The following CDH13 variants were observed in gnomAD, a reference collection of about 807,000 sequenced individuals.
CDH13 encodes the protein cadherin-13.
CDH13 carries 24 observed loss-of-function variants against 63.8 expected under a neutral mutation model. The ratio of observed to expected loss-of-function variants is 0.38; its 90% CI spans 0.27 to 0.53. CDH13 has a LOEUF of 0.53. Ranked by LOEUF, CDH13 falls within the 20% of genes least tolerant of loss-of-function variation. CDH13 has a pLI of 0.85. For missense variants in CDH13, 1,049 were observed against 903.1 expected, an observed-to-expected ratio of 1.16 and a Z score of -2.07; for synonymous variants, 503 against 355.3, an observed-to-expected ratio of 1.42 and a Z score of -4.67.
intron 1 of CDH13, among the ~76,000 whole-genome samples, chr16:82,772,257 T>C (rs965580485): frequency 2.6e-5 from 4 of 152,212 alleles, no homozygotes; most frequent in African/African-American, 9.6e-5. Context: ...AAGTGTTCAG[T>C]AAATATTTAC....
intron 6 of CDH13, among the ~76,000 whole-genome samples, chr16:83,367,978 A>G (rs1387349617): frequency 1.3e-5 from 2 of 152,198 alleles, no homozygotes; most frequent in African/African-American, 2.4e-5. Context: ...ATAGTTTTCA[A>G]TAGACAAGTC....
At chr16:83,056,544 A>G (rs963647740) in intron 3 of CDH13, among the ~76,000 whole-genome samples, 1 of 152,212 alleles carries the variant, frequency 6.6e-6, no homozygotes, top group Non-Finnish European at 1.5e-5. Context: ...GAAGCCAGAT[A>G]GGGAAGGGAA....
intron 4 of CDH13, among the ~76,000 whole-genome samples, chr16:83,175,672 CAA>C (rs2038091544): frequency 2.0e-5 from 3 of 152,056 alleles, no homozygotes; most frequent in Non-Finnish European, 4.4e-5. Flanking sequence ...TTAAAACAAA[CAA>C]ACAAACACCG....
chr16:82,892,556 A>T (rs1402079401), intron 2 of CDH13, among the ~76,000 whole-genome samples: 6 of 152,250 alleles, frequency 3.9e-5, no homozygotes, highest in Non-Finnish European at 7.3e-5. Flanking sequence ...GTGTACTTGG[A>T]AGGGCAAAAC....
At chr16:82,711,607 G>C (rs909525916) in intron 1 of CDH13, among the ~76,000 whole-genome samples, 20 of 152,196 alleles carry the variant, frequency 1.3e-4, no homozygotes, top group Non-Finnish European at 2.1e-4. Flanking sequence ...AAGACACTGA[G>C]ATCCAGAGAC....
chr16:82,972,732 TATG>T (rs981511903), intron 2 of CDH13, among the ~76,000 whole-genome samples: 1 of 152,204 alleles, frequency 6.6e-6, no homozygotes, highest in African/African-American at 2.4e-5. Flanking sequence ...GCCATTTGGG[TATG>T]ATAACTGAAC....
intron 10 of CDH13, among the ~76,000 whole-genome samples, chr16:83,698,179 C>T (rs927344908): frequency 6.6e-6 from 1 of 152,238 alleles, no homozygotes; most frequent in Admixed American, 6.5e-5. Flanking sequence ...CCAGGCTGTA[C>T]TGTACAGGAC....
chr16:83,618,352 G>A (rs1034037368), intron 8 of CDH13, among the ~76,000 whole-genome samples: 2 of 151,884 alleles, frequency 1.3e-5, no homozygotes, highest in African/African-American at 2.4e-5. Context: ...TTGAACCCAG[G>A]GGTTGGAGGT....
intron 2 of CDH13, among the ~76,000 whole-genome samples, chr16:82,990,653 TCTCCCAC>T (rs2151404136): frequency 6.6e-6 from 1 of 151,962 alleles, no homozygotes; most frequent in African/African-American, 2.4e-5. Flanking sequence ...CTCAAGTGAT[TCTCCCAC>T]CTCAGCCTCC....
intron 3 of CDH13, among the ~76,000 whole-genome samples, chr16:83,102,866 A>G (rs916342562): frequency 2.6e-4 from 40 of 151,188 alleles, no homozygotes; most frequent in Non-Finnish European, 5.4e-4. Context: ...ATGTAGGCTG[A>G]ACTGGAAGAG....
intron 6 of CDH13, among the ~76,000 whole-genome samples, chr16:83,474,331 T>C (rs1483745777): frequency 2.0e-5 from 3 of 152,196 alleles, no homozygotes; most frequent in Non-Finnish European, 2.9e-5. Context: ...AGGTTGTGTA[T>C]GTTGCTCAGA....
intron 2 of CDH13, among the ~76,000 whole-genome samples, chr16:82,931,238 A>T (rs2151295272): frequency 6.6e-6 from 1 of 152,330 alleles, no homozygotes; most frequent in Middle Eastern, 3.4e-3. Flanking sequence ...CCTGCACAGA[A>T]TTTTCTCATC....
intron 2 of CDH13, among the ~76,000 whole-genome samples, chr16:82,949,501 C>G (rs1905079451): frequency 6.6e-6 from 1 of 152,154 alleles, no homozygotes; most frequent in African/African-American, 2.4e-5. Context: ...TAGGGGGACA[C>G]AATTCAACCC....
intron 1 of CDH13, among the ~76,000 whole-genome samples, chr16:82,780,189 GA>G (rs923281845): frequency 2.6e-5 from 4 of 151,938 alleles, no homozygotes; most frequent in Admixed American, 1.3e-4. Flanking sequence ...ATATATTTAA[GA>G]AAAAAACCCC....
chr16:82,718,944 A>G (rs1291108142), intron 1 of CDH13, among the ~76,000 whole-genome samples: 3 of 152,124 alleles, frequency 2.0e-5, no homozygotes, highest in Non-Finnish European at 4.4e-5. Context: ...CCTGAGAGCC[A>G]TTTGGTGCGT....
At chr16:83,333,482 C>T (rs1274662569) in intron 5 of CDH13, among the ~76,000 whole-genome samples, 2 of 152,044 alleles carry the variant, frequency 1.3e-5, no homozygotes, top group Non-Finnish European at 2.9e-5. Flanking sequence ...CAGGGTGCTG[C>T]TCTTTGGACT....
At chr16:83,338,222 T>C (rs1271723470) in intron 5 of CDH13, among the ~76,000 whole-genome samples, 1 of 150,784 alleles carries the variant, frequency 6.6e-6, no homozygotes, top group Non-Finnish European at 1.5e-5. Flanking sequence ...CAGTTTAATG[T>C]ACTCTGATAT....
chr16:83,550,707 T>A (rs1310223370), intron 7 of CDH13, among the ~76,000 whole-genome samples: 2 of 152,200 alleles, frequency 1.3e-5, no homozygotes, highest in Non-Finnish European at 2.9e-5. Flanking sequence ...TCACATCTAC[T>A]TTGTTCACTG....
intron 7 of CDH13, among the ~76,000 whole-genome samples, chr16:83,540,612 G>A (rs757216486): frequency 6.6e-6 from 1 of 152,150 alleles, no homozygotes; most frequent in Non-Finnish European, 1.5e-5. Flanking sequence ...CCTTTGTTCA[G>A]TCTCGTAATG....
Sources: allele counts gnomAD v4.1 joint callset (sites outside exome capture counted in the v4.1 genomes callset), GRCh38; gene constraint gnomAD v4.1.1; transcripts MANE v1.5; gene names NCBI Gene and HGNC (gene_info 2026-07-23, HGNC 2026-07-21).